SLC25A48: variants seen among roughly 807,000 people sequenced by gnomAD.
The protein encoded by SLC25A48 is CTC-321K16.1.
SLC25A48 carries 29 observed loss-of-function variants against 32.2 expected under a neutral mutation model. The observed-to-expected ratio is 0.90, with a 90% CI of 0.67 to 1.23. The LOEUF (loss-of-function observed/expected upper bound fraction) is 1.23. SLC25A48 is among the 50% of genes most tolerant of loss of function. The pLI is 0.00. For synonymous variants in SLC25A48, 164 were observed against 172.3 expected, an observed-to-expected ratio of 0.95 and a Z score of 0.38; for missense variants, 399 against 422.7, an observed-to-expected ratio of 0.94 and a Z score of 0.49.
intron 3 of SLC25A48, among the ~76,000 whole-genome samples, chr5:135,789,628 G>A (rs1389820921): frequency 6.6e-6 from 1 of 151,558 alleles, no homozygotes; most frequent in African/African-American, 2.4e-5. Context: ...CCATGTGGCG[G>A]GGGGTGTACA....
In SLC25A48 at chr5:135,880,066, G is replaced by A. The variant is rs1397576839; in HGVS notation, c.912G>A (p.Gly304=). The A allele has an allele frequency of 6.5e-7, 1 of 1,536,090 alleles. No homozygotes were observed. The highest frequency in any genetic ancestry group is 8.7e-7 in the Non-Finnish European group (1 of 1,146,878). ...AGCTGTCGCTGCAGGCTATCCGCGG[G>A]GACCACGCAGTGACGAGCCCATAAG... ...GYELSLQAIR[G]DHAVTSP The change falls in exon 7 of 8, where the codon GGG becomes GGA. Residue 304 remains glycine, a synonymous_variant. Transcript: ENST00000681962.
intron 5 of SLC25A48, chr5:135,872,051 G>A: frequency 8.3e-7 from 1 of 1,206,134 alleles, no homozygotes; most frequent in Non-Finnish European, 1.1e-6. Context: ...GTAATGTAAG[G>A]ATGCCATTAG....
At chr5:135,851,590 G>A (rs528108110) in intron 3 of SLC25A48, among the ~76,000 whole-genome samples, 2 of 86,366 alleles carry the variant, frequency 2.3e-5, no homozygotes, top group Non-Finnish European at 5.1e-5. Flanking sequence ...GTGTGCATAC[G>A]TGTGTATATA....
intron 7 of SLC25A48, chr5:135,883,428 A>C (rs1256782977): frequency 1.0e-6 from 1 of 985,350 alleles, no homozygotes; most frequent in Non-Finnish European, 1.2e-6. Context: ...TCTAAGTTTC[A>C]AAATAAAAGC....
intron 3 of SLC25A48, among the ~76,000 whole-genome samples, chr5:135,698,082 G>C (rs1352540858): frequency 6.6e-6 from 1 of 152,226 alleles, no homozygotes; most frequent in African/African-American, 2.4e-5. Flanking sequence ...CTACCTATGA[G>C]GAGCTGCCTA....
Position 135,609,919 on chromosome 5 carries a change from G to A in SLC25A48, c.-848-19318G>A, listed in dbSNP as rs191632798. Among the ~76,000 whole-genome samples the A allele has an allele frequency of 1.1e-4, 17 of 152,300 alleles. No individual in the cohort carries two copies. The East Asian group carries it at 3.3e-3, about 29-fold the overall frequency. ...GTGAAAAAGAGACTCACTTTTAATTGCACATCTATTTTTACTGTTTGATTT... is the reference window on the plus strand; with the variant it reads ...GTGAAAAAGAGACTCACTTTTAATTACACATCTATTTTTACTGTTTGATTT... On this transcript the variant is annotated intron_variant, in intron 1 of 10. Coordinates refer to the SLC25A48 transcript ENST00000646290.
Position 135,591,719 on chromosome 5 carries a change from C to A in SLC25A48, c.-849+12122C>A, listed in dbSNP as rs150165884. Among the ~76,000 whole-genome samples, 665 of 152,250 alleles carry A rather than the reference C, an allele frequency of 4.4e-3. 4 individuals carry two copies. Among genetic ancestry groups the A allele is most frequent in the Middle Eastern group, 0.02 (6 of 294 alleles). On this transcript the variant is annotated intron_variant, in intron 1 of 10. Transcript: ENST00000646290. ...GGAGCTGGTGAGTGACTGTTCTGGC[C>A]CTGCCTTTCAAGGAGCGGTTCTGGG...
At chr5:135,869,255 G>A (rs914100961) in intron 4 of SLC25A48, among the ~76,000 whole-genome samples, 2 of 152,170 alleles carry the variant, frequency 1.3e-5, no homozygotes, top group Non-Finnish European at 2.9e-5. Flanking sequence ...ACTTGGGTCA[G>A]TTTGGAGCTG....
chr5:135,736,190 C>T (rs1411874568), intron 3 of SLC25A48, among the ~76,000 whole-genome samples: 1 of 151,952 alleles, frequency 6.6e-6, no homozygotes, highest in East Asian at 1.9e-4. Flanking sequence ...TGGGAGGAAT[C>T]GCATTGGGTA....
intron 3 of SLC25A48, among the ~76,000 whole-genome samples, chr5:135,756,507 C>G (rs904895560): frequency 2.0e-5 from 3 of 151,994 alleles, no homozygotes; most frequent in African/African-American, 7.2e-5. Context: ...AACCCCATCT[C>G]TACTAAAAAT....
chr5:135,863,208 C>T (rs1264208825), intron 4 of SLC25A48, among the ~76,000 whole-genome samples: 1 of 152,156 alleles, frequency 6.6e-6, no homozygotes, highest in East Asian at 1.9e-4. Flanking sequence ...AAGTGGAACC[C>T]CCCACACAGG....
intron 3 of SLC25A48, among the ~76,000 whole-genome samples, chr5:135,752,867 T>A (rs2127009954): frequency 6.6e-6 from 1 of 152,194 alleles, no homozygotes; most frequent in South Asian, 2.1e-4. Flanking sequence ...ACACACTCTG[T>A]GATATTATGA....
In SLC25A48 at chr5:135,615,884, C is replaced by A. The variant is rs372352594; in HGVS notation, c.-848-13353C>A. On this transcript the variant is annotated intron_variant, in intron 1 of 10. Transcript: ENST00000646290. ...ATGGGCCTGCCACAGGGCCCTGCTG[C>A]CATATGCAGCCTTGGGGCACTGCTG... Among the ~76,000 whole-genome samples the A allele has an allele frequency of 1.8e-4, 27 of 152,338 alleles. 1 individual carries two copies. Among genetic ancestry groups the A allele is most frequent in the African/African-American group, 6.3e-4 (26 of 41,574 alleles).
chr5:135,655,293 A>G (rs1753216210), intron 3 of SLC25A48, among the ~76,000 whole-genome samples: 1 of 152,182 alleles, frequency 6.6e-6, no homozygotes, highest in Non-Finnish European at 1.5e-5. Context: ...CTTCCTGTGT[A>G]TTAACTCATT....
chr5:135,785,332 G>A (rs1241942751), intron 3 of SLC25A48, among the ~76,000 whole-genome samples: 1 of 151,876 alleles, frequency 6.6e-6, no homozygotes, highest in Non-Finnish European at 1.5e-5. Context: ...GGGAGGGAGG[G>A]GCTGATTTAC....
chr5:135,796,009 A>AGGGGG (rs113931558), intron 3 of SLC25A48, among the ~76,000 whole-genome samples: 1 of 96,648 alleles, frequency 1.0e-5, no homozygotes. Flanking sequence ...CAGTATCGCG[A>AGGGGG]GGGGGGGGTG....
At chr5:135,805,826 A>C (rs75695821) in intron 3 of SLC25A48, among the ~76,000 whole-genome samples, 2,150 of 151,768 alleles carry the variant, frequency 0.014, 54 homozygotes, top group African/African-American at 0.047. Context: ...GTAATATTTT[A>C]GGGAGATATT....
Position 135,834,810 on chromosome 5 carries a change from C to T in SLC25A48, c.-38C>T. The stretch of plus-strand genomic sequence containing the variant: ...ATGCCCCACTGACTCTAAGTGGGCA[C>T]TGCCCCGGCTCCGGGAGGGCGAGAC... On this transcript the variant is annotated 5_prime_UTR_variant, in exon 1 of 8. Transcript: ENST00000681962. 1 of 1,560,922 alleles carries T rather than the reference C, an allele frequency of 6.4e-7. No individual in the cohort carries two copies. The highest frequency in any genetic ancestry group is 8.7e-7 in the Non-Finnish European group (1 of 1,153,604).
chr5:135,752,285 T>C (rs981189500), intron 3 of SLC25A48, among the ~76,000 whole-genome samples: 1 of 152,040 alleles, frequency 6.6e-6, no homozygotes, highest in African/African-American at 2.4e-5. Flanking sequence ...GATAAAAGAC[T>C]TCCAGCCGGG....
Sources: allele counts gnomAD v4.1 joint callset (sites outside exome capture counted in the v4.1 genomes callset), GRCh38; gene constraint gnomAD v4.1.1; transcripts MANE v1.5; gene names NCBI Gene and HGNC (gene_info 2026-07-23, HGNC 2026-07-21).